MGAT5: variants seen among roughly 807,000 people sequenced by gnomAD.
MGAT5 encodes alpha-1,6-mannosylglycoprotein 6-beta-N-acetylglucosaminyltransferase.
Under a neutral mutation model 94.3 loss-of-function variants are expected in MGAT5, and 30 were observed. The observed-to-expected ratio is 0.32, with a 90% CI of 0.24 to 0.43. The LOEUF (loss-of-function observed/expected upper bound fraction) is 0.43. Among genes scored for constraint, MGAT5 ranks in the 20% least tolerant of loss-of-function variants. MGAT5 has a pLI of 1.00. For missense variants in MGAT5, 691 were observed against 905.5 expected, an observed-to-expected ratio of 0.76 and a Z score of 3.04; for synonymous variants, 310 against 322.9, an observed-to-expected ratio of 0.96 and a Z score of 0.43.
At chr2:134,424,283 T>G (rs1684458601) in intron 13 of MGAT5, among the ~76,000 whole-genome samples, 1 of 152,150 alleles carries the variant, frequency 6.6e-6, no homozygotes, top group Admixed American at 6.5e-5. Flanking sequence ...GATAATCAGT[T>G]TGTGGCCCAC....
At chr2:134,174,977 T>TA (rs1435655935) in intron 1 of MGAT5, among the ~76,000 whole-genome samples, 1 of 152,208 alleles carries the variant, frequency 6.6e-6, no homozygotes, top group East Asian at 1.9e-4. Context: ...GGTTGCACTC[T>TA]AGATACCACT....
At chr2:134,273,018 TGTGCGC>T (rs898261569) in intron 2 of MGAT5, among the ~76,000 whole-genome samples, 6 of 149,892 alleles carry the variant, frequency 4.0e-5, no homozygotes, top group African/African-American at 7.4e-5. Flanking sequence ...TCTGTGTGTG[TGTGCGC>T]GCGCGCGTGC....
chr2:134,432,305 TG>T (rs1368920010), intron 14 of MGAT5, among the ~76,000 whole-genome samples: 1 of 152,182 alleles, frequency 6.6e-6, no homozygotes, highest in African/African-American at 2.4e-5. Flanking sequence ...TGTAAAGAGC[TG>T]TGTGATTCAT....
At chr2:134,130,226 C>T (rs1413449630) in intron 1 of MGAT5, among the ~76,000 whole-genome samples, 27 of 142,878 alleles carry the variant, frequency 1.9e-4, no homozygotes, top group South Asian at 1.4e-3. Flanking sequence ...CGCCCCACAC[C>T]GCCCCACACC....
intron 1 of MGAT5, among the ~76,000 whole-genome samples, chr2:134,187,784 A>T (rs1388823171): frequency 6.6e-6 from 1 of 152,250 alleles, no homozygotes; most frequent in African/African-American, 2.4e-5. Context: ...TATAATTTTT[A>T]TTTGAAAAAT....
intron 5 of MGAT5, 56 bp downstream of exon 5, chr2:134,336,344 T>C: frequency 7.1e-7 from 1 of 1,401,802 alleles, no homozygotes; most frequent in African/African-American, 1.4e-5. Flanking sequence ...AGATGCCAAG[T>C]GATACATGTG....
At chr2:134,181,121 T>A (rs1688713482) in intron 1 of MGAT5, among the ~76,000 whole-genome samples, 2 of 152,222 alleles carry the variant, frequency 1.3e-5, no homozygotes, top group South Asian at 2.1e-4. Flanking sequence ...TTGTGTACTC[T>A]TCCAAAGATG....
At chr2:134,365,510 G>A (rs2106128646) in intron 10 of MGAT5, among the ~76,000 whole-genome samples, 1 of 152,338 alleles carries the variant, frequency 6.6e-6, no homozygotes, top group East Asian at 1.9e-4. Context: ...GGAGGGCGAG[G>A]CGGAAGCCTT....
At chr2:134,237,597 C>T (rs957545360) in intron 1 of MGAT5, among the ~76,000 whole-genome samples, 2 of 151,020 alleles carry the variant, frequency 1.3e-5, no homozygotes, top group Admixed American at 1.3e-4. Flanking sequence ...CTCAAAGGAA[C>T]TCAACTTATA....
intron 12 of MGAT5, among the ~76,000 whole-genome samples, chr2:134,421,133 ACT>A (rs1684265333): frequency 6.6e-6 from 1 of 152,120 alleles, no homozygotes; most frequent in African/African-American, 2.4e-5. Flanking sequence ...TTTACTGGAG[ACT>A]CTGACATCCT....
intron 1 of MGAT5, among the ~76,000 whole-genome samples, chr2:134,237,622 CT>C (rs34504085): frequency 0.15 from 9,265 of 62,370 alleles, 542 homozygotes; most frequent in South Asian, 0.19. Context: ...TGATTTAATT[CT>C]TTTTTTTTTT....
chr2:134,319,854 G>A (rs1411859413), intron 4 of MGAT5: 2 of 265,950 alleles, frequency 7.5e-6, no homozygotes, highest in East Asian at 1.3e-4. Flanking sequence ...TCATTAGCAT[G>A]TGTATGCTCA....
At chr2:134,362,199 C>T in intron 9 of MGAT5, 76 bp from the exon 10 acceptor site, 1 of 1,524,706 alleles carries the variant, frequency 6.6e-7, no homozygotes, top group Non-Finnish European at 8.9e-7. Context: ...GTAAGATGGC[C>T]TGTGTTAAAT....
chr2:134,217,783 A>G (rs893303829), intron 1 of MGAT5, among the ~76,000 whole-genome samples: 1 of 152,162 alleles, frequency 6.6e-6, no homozygotes, highest in Admixed American at 6.5e-5. Flanking sequence ...AGAGAAAAGG[A>G]CTGTTTAGTT....
intron 9 of MGAT5, among the ~76,000 whole-genome samples, chr2:134,352,476 G>T (rs1218564211): frequency 6.6e-6 from 1 of 152,170 alleles, no homozygotes; most frequent in Non-Finnish European, 1.5e-5. Flanking sequence ...TTTTATATAT[G>T]TCAGATACAA....
At chr2:134,258,205 A>G (rs1411046423) in intron 1 of MGAT5, among the ~76,000 whole-genome samples, 1 of 152,162 alleles carries the variant, frequency 6.6e-6, no homozygotes, top group African/African-American at 2.4e-5. Context: ...CTCCACTCCC[A>G]TTTGTTTGTA....
At chr2:134,217,606 A>G (rs975064611) in intron 1 of MGAT5, among the ~76,000 whole-genome samples, 3 of 152,234 alleles carry the variant, frequency 2.0e-5, no homozygotes, top group South Asian at 2.1e-4. Context: ...TTTAAGAAGT[A>G]TGATTGACTT....
intron 5 of MGAT5, 76 bp downstream of exon 5, chr2:134,336,364 A>G: frequency 1.6e-6 from 2 of 1,237,266 alleles, no homozygotes; most frequent in Non-Finnish European, 2.3e-6. Context: ...GGAATCTTCT[A>G]GAAATGCCAA....
At chr2:134,327,881 C>A (rs1687731737) in intron 4 of MGAT5, among the ~76,000 whole-genome samples, 1 of 152,114 alleles carries the variant, frequency 6.6e-6, no homozygotes, top group African/African-American at 2.4e-5. Flanking sequence ...AAAAAAAGAG[C>A]TATATCATTG....
Sources: gnomAD v4.1 joint callset for allele counts (sites outside exome capture counted in the v4.1 genomes callset) on GRCh38, gnomAD v4.1.1 for gene constraint, MANE v1.5 for transcripts, NCBI Gene and HGNC (gene_info 2026-07-23, HGNC 2026-07-21) for gene names.